PDE4D: variants seen among roughly 807,000 people sequenced by gnomAD.
PDE4D encodes phosphodiesterase 4D.
Under a neutral mutation model 87.4 loss-of-function variants are expected in PDE4D, and 24 were observed. The observed-to-expected ratio is 0.27, with a 90% CI of 0.20 to 0.39. The LOEUF is 0.39. Among genes scored for constraint, PDE4D ranks in the 10% least tolerant of loss-of-function variants. PDE4D has a pLI of 1.00. For synonymous variants in PDE4D, 384 were observed against 383.2 expected, an observed-to-expected ratio of 1.00 and a Z score of -0.02; for missense variants, 714 against 1,041.0, an observed-to-expected ratio of 0.69 and a Z score of 4.32.
chr5:59,631,317 C>G (rs1364423315), intron 1 of PDE4D, among the ~76,000 whole-genome samples: 3 of 152,198 alleles, frequency 2.0e-5, no homozygotes, highest in African/African-American at 7.2e-5. Flanking sequence ...TTAACTATTT[C>G]TTCTCTTATC....
At chr5:59,522,885 C>A (rs1395798916) in intron 1 of PDE4D, among the ~76,000 whole-genome samples, 1 of 152,172 alleles carries the variant, frequency 6.6e-6, no homozygotes, top group African/African-American at 2.4e-5. Flanking sequence ...CCAAGACTCA[C>A]AAGTTGTATA....
chr5:59,315,674 A>G (rs1773572431), intron 1 of PDE4D, among the ~76,000 whole-genome samples: 1 of 151,942 alleles, frequency 6.6e-6, no homozygotes, highest in African/African-American at 2.4e-5. Context: ...TTGCGATAAA[A>G]CCCTAGGAAT....
intron 5 of PDE4D, among the ~76,000 whole-genome samples, chr5:59,137,955 T>C (rs1410019140): frequency 6.6e-6 from 1 of 152,250 alleles, no homozygotes. Flanking sequence ...GAATAGCTAA[T>C]GGCAGAAAAT....
At chr5:60,274,114 G>A (rs1751111213) in intron 1 of PDE4D, among the ~76,000 whole-genome samples, 1 of 152,160 alleles carries the variant, frequency 6.6e-6, no homozygotes, top group Non-Finnish European at 1.5e-5. Context: ...CTAATTTTTA[G>A]CTGAGTATGA....
chr5:59,642,323 T>C (rs1162064886), intron 1 of PDE4D, among the ~76,000 whole-genome samples: 2 of 152,162 alleles, frequency 1.3e-5, no homozygotes, highest in Non-Finnish European at 1.5e-5. Flanking sequence ...TTAATAACAA[T>C]ATGTATATAT....
At chr5:59,766,425 G>T (rs1037841760) in intron 1 of PDE4D, among the ~76,000 whole-genome samples, 2 of 152,148 alleles carry the variant, frequency 1.3e-5, no homozygotes, top group East Asian at 3.9e-4. Context: ...ACCAGAAAAG[G>T]AAGTGCCAGA....
intron 1 of PDE4D, among the ~76,000 whole-genome samples, chr5:59,566,299 T>G (rs149738095): frequency 1.3e-4 from 20 of 152,278 alleles, no homozygotes; most frequent in African/African-American, 4.3e-4. Context: ...TGTGCCTGCC[T>G]CCACCCTGGC....
At chr5:60,170,663 A>G (rs1486584717) in intron 2 of PDE4D, among the ~76,000 whole-genome samples, 2 of 152,026 alleles carry the variant, frequency 1.3e-5, no homozygotes, top group Admixed American at 6.6e-5. Flanking sequence ...TTAGAGCATT[A>G]AAGTGATCCA....
At chr5:60,449,920 T>C (rs1295842094) in intron 1 of PDE4D, among the ~76,000 whole-genome samples, 1 of 150,502 alleles carries the variant, frequency 6.6e-6, no homozygotes, top group Non-Finnish European at 1.5e-5. Context: ...AAAGAAGTCA[T>C]ATGTGGGAGT....
At chr5:59,271,893 C>T (rs1763904038) in intron 1 of PDE4D, among the ~76,000 whole-genome samples, 1 of 151,446 alleles carries the variant, frequency 6.6e-6, no homozygotes, top group Non-Finnish European at 1.5e-5. Context: ...GAGGCAGTCC[C>T]CCTTACCTTC....
chr5:60,107,156 T>C (rs1777057358), intron 2 of PDE4D, among the ~76,000 whole-genome samples: 1 of 151,902 alleles, frequency 6.6e-6, no homozygotes, highest in Non-Finnish European at 1.5e-5. Context: ...ATAGATGCAA[T>C]AAAAAATGAT....
chr5:60,067,232 G>A (rs1490757751), intron 2 of PDE4D, among the ~76,000 whole-genome samples: 2 of 151,816 alleles, frequency 1.3e-5, no homozygotes, highest in African/African-American at 2.4e-5. Flanking sequence ...CCTAAAGTTT[G>A]GCATGTGATC....
At chr5:60,403,372 C>A (rs1390163854) in intron 1 of PDE4D, among the ~76,000 whole-genome samples, 1 of 152,170 alleles carries the variant, frequency 6.6e-6, no homozygotes, top group Non-Finnish European at 1.5e-5. Context: ...ACTTAGGCAA[C>A]CACCTACACT....
At chr5:60,133,036 C>A (rs946631311) in intron 2 of PDE4D, among the ~76,000 whole-genome samples, 1 of 152,098 alleles carries the variant, frequency 6.6e-6, no homozygotes, top group Non-Finnish European at 1.5e-5. Flanking sequence ...CCACTTCCAC[C>A]AGATGAAGAG....
intron 5 of PDE4D, among the ~76,000 whole-genome samples, chr5:59,070,465 C>G (rs1384529429): frequency 6.6e-6 from 1 of 152,132 alleles, no homozygotes; most frequent in East Asian, 1.9e-4. Context: ...ACAGTTACTT[C>G]TTAATAGTTC....
chr5:60,207,342 T>C (rs535265250), intron 1 of PDE4D, among the ~76,000 whole-genome samples: 220 of 152,348 alleles, frequency 1.4e-3, no homozygotes, highest in African/African-American at 5.1e-3. Flanking sequence ...TTGAGTGCCT[T>C]AGCTTGGATT....
chr5:59,387,629 C>G (rs16889743), intron 1 of PDE4D, among the ~76,000 whole-genome samples: 10,277 of 151,836 alleles, frequency 0.068, 947 homozygotes, highest in African/African-American at 0.21. Context: ...TAACCCAAGG[C>G]TAAGCTGTAA....
intron 1 of PDE4D, among the ~76,000 whole-genome samples, chr5:59,669,103 C>A (rs1015754808): frequency 6.6e-6 from 1 of 152,174 alleles, no homozygotes; most frequent in South Asian, 2.1e-4. Flanking sequence ...TCCCTTTATT[C>A]TTTATTTTTG....
intron 5 of PDE4D, among the ~76,000 whole-genome samples, chr5:59,096,673 G>T (rs1769778384): frequency 6.6e-6 from 1 of 152,176 alleles, no homozygotes; most frequent in Admixed American, 6.5e-5. Flanking sequence ...GCCAAAAATG[G>T]AGAGTTCTTC....
Sources: gnomAD v4.1 joint callset for allele counts (sites outside exome capture counted in the v4.1 genomes callset) on GRCh38, gnomAD v4.1.1 for gene constraint, MANE v1.5 for transcripts, NCBI Gene and HGNC (gene_info 2026-07-23, HGNC 2026-07-21) for gene names.